The following LRP1B variants were observed in gnomAD, a reference collection of about 807,000 sequenced individuals.
The protein encoded by LRP1B is LDL receptor related protein 1B.
LRP1B carries 217 observed loss-of-function variants against 556.6 expected under a neutral mutation model. The observed-to-expected ratio is 0.39, with a 90% confidence interval of 0.35 to 0.44. The LOEUF (loss-of-function observed/expected upper bound fraction) is 0.44, where lower values mean the gene tolerates loss of function less well. Among genes scored for constraint, LRP1B ranks in the 20% least tolerant of loss-of-function variants. The pLI is 1.00. For synonymous variants in LRP1B, 2,047 were observed against 1,865.8 expected (o/e 1.10, Z -2.50); for missense variants, 5,053 against 5,620.8 (o/e 0.90, Z 3.23).
At chr2:142,012,212 AT>A (rs149213686) in intron 1 of LRP1B, among the ~76,000 whole-genome samples, 1 of 152,016 alleles carries the variant, frequency 6.6e-6, no homozygotes, top group Admixed American at 6.5e-5. Context: ...TTTAGTTTTG[AT>A]TTTTTTATAA....
intron 41 of LRP1B, among the ~76,000 whole-genome samples, chr2:140,650,578 A>C (rs1684648306): frequency 6.6e-6 from 1 of 152,038 alleles, no homozygotes; most frequent in South Asian, 2.1e-4. Flanking sequence ...CAAACTCCTG[A>C]ACTCAGGTGA....
intron 7 of LRP1B, among the ~76,000 whole-genome samples, chr2:141,187,144 T>C (rs1488907764): frequency 2.6e-5 from 4 of 152,094 alleles, no homozygotes; most frequent in Non-Finnish European, 5.9e-5. Flanking sequence ...TAAATACGAC[T>C]TCTTTTCCTA....
intron 2 of LRP1B, among the ~76,000 whole-genome samples, chr2:141,577,411 G>A (rs999498331): frequency 6.6e-6 from 1 of 152,072 alleles, no homozygotes; most frequent in Non-Finnish European, 1.5e-5. Context: ...CCTGGAATAC[G>A]GTCAGTTTTA....
At chr2:141,169,112 C>A (rs1680384259) in intron 7 of LRP1B, among the ~76,000 whole-genome samples, 1 of 151,518 alleles carries the variant, frequency 6.6e-6, no homozygotes, top group Non-Finnish European at 1.5e-5. Context: ...ATGGTGAAAC[C>A]CTGTCTCTAC....
At chr2:141,448,228 A>G (rs992822878) in intron 3 of LRP1B, among the ~76,000 whole-genome samples, 24 of 152,132 alleles carry the variant, frequency 1.6e-4, no homozygotes, top group African/African-American at 5.8e-4. Context: ...GGGGAAAACC[A>G]TCTACTCAAG....
intron 1 of LRP1B, among the ~76,000 whole-genome samples, chr2:142,044,979 T>C (rs1347667995): frequency 6.6e-6 from 1 of 151,784 alleles, no homozygotes; most frequent in Non-Finnish European, 1.5e-5. Flanking sequence ...CATCTCTATA[T>C]GCATTGTCAT....
chr2:140,586,088 C>T (rs573138637), intron 43 of LRP1B, among the ~76,000 whole-genome samples: 12 of 152,228 alleles, frequency 7.9e-5, no homozygotes, highest in African/African-American at 2.9e-4. Flanking sequence ...AGCACACTAA[C>T]TTATGCTCCT....
chr2:140,912,080 T>C (rs147331852), intron 21 of LRP1B, among the ~76,000 whole-genome samples: 349 of 151,864 alleles, frequency 2.3e-3, no homozygotes, highest in African/African-American at 8.0e-3. Flanking sequence ...CCTCTTCCTA[T>C]TGATTTTTTA....
intron 1 of LRP1B, among the ~76,000 whole-genome samples, chr2:141,935,300 AAAGT>A (rs1157045354): frequency 2.0e-5 from 3 of 152,212 alleles, no homozygotes; most frequent in Non-Finnish European, 2.9e-5. Flanking sequence ...ATAGTCATTA[AAAGT>A]AAGATAAAAC....
At chr2:140,666,096 C>A (rs1335620922) in intron 41 of LRP1B, among the ~76,000 whole-genome samples, 3 of 151,576 alleles carry the variant, frequency 2.0e-5, no homozygotes, top group East Asian at 3.9e-4. Flanking sequence ...CAAGTTCAAG[C>A]GATTCTCCTG....
intron 41 of LRP1B, among the ~76,000 whole-genome samples, chr2:140,639,650 A>T (rs1041960560): frequency 6.6e-6 from 1 of 152,072 alleles, no homozygotes; most frequent in African/African-American, 2.4e-5. Flanking sequence ...ATTTTCCTTC[A>T]GTCTCTTTTT....
intron 3 of LRP1B, among the ~76,000 whole-genome samples, chr2:141,263,901 C>T (rs1424427995): frequency 1.3e-5 from 2 of 151,968 alleles, no homozygotes; most frequent in Non-Finnish European, 2.9e-5. Flanking sequence ...TCAATAGATG[C>T]CCAAAAAGCG....
intron 41 of LRP1B, among the ~76,000 whole-genome samples, chr2:140,697,658 A>G (rs1686479604): frequency 6.6e-6 from 1 of 152,116 alleles, no homozygotes; most frequent in African/African-American, 2.4e-5. Context: ...CCTTGAAAAC[A>G]CTATGCTAAG....
intron 55 of LRP1B, among the ~76,000 whole-genome samples, chr2:140,499,441 T>TAC (rs950434330): frequency 6.6e-6 from 1 of 151,588 alleles, no homozygotes; most frequent in Admixed American, 6.6e-5. Context: ...CACACACATA[T>TAC]ACACACACAC....
intron 1 of LRP1B, among the ~76,000 whole-genome samples, chr2:142,024,655 T>C (rs1013236395): frequency 2.7e-5 from 4 of 148,148 alleles, no homozygotes; most frequent in African/African-American, 9.9e-5. Context: ...TTTGCTTTCA[T>C]GCTACAGAAT....
chr2:141,427,574 T>C (rs967433744), intron 3 of LRP1B, among the ~76,000 whole-genome samples: 11 of 152,230 alleles, frequency 7.2e-5, no homozygotes, highest in African/African-American at 2.7e-4. Context: ...CTCCAGCACC[T>C]GTCAGCAAAT....
intron 6 of LRP1B, among the ~76,000 whole-genome samples, chr2:141,189,795 C>T (rs529071142): frequency 1.3e-5 from 2 of 152,034 alleles, no homozygotes; most frequent in Non-Finnish European, 2.9e-5. Context: ...TAGCTAGTGA[C>T]TACTGTTGCG....
intron 2 of LRP1B, among the ~76,000 whole-genome samples, chr2:141,484,574 A>C (rs2105098459): frequency 1.3e-5 from 2 of 152,220 alleles, no homozygotes; most frequent in East Asian, 3.9e-4. Flanking sequence ...TTTTCACGAT[A>C]TTGATTCTTC....
At chr2:141,489,112 C>CTTTTTT (rs70994433) in intron 2 of LRP1B, among the ~76,000 whole-genome samples, 1 of 76,080 alleles carries the variant, frequency 1.3e-5, no homozygotes, top group African/African-American at 5.8e-5. Context: ...TGATGCTTGG[C>CTTTTTT]TTTTTTTTTT....
Sources: allele counts gnomAD v4.1 joint callset (sites outside exome capture counted in the v4.1 genomes callset), GRCh38; gene constraint gnomAD v4.1.1; transcripts MANE v1.5; gene names NCBI Gene and HGNC (gene_info 2026-07-23, HGNC 2026-07-21).